Variants in ATP13A1 observed in about 807,000 individuals in gnomAD.
ATP13A1 encodes the protein endoplasmic reticulum transmembrane helix translocase.
Under a neutral mutation model 134.8 loss-of-function variants are expected in ATP13A1, and 55 were observed. The ratio of observed to expected loss-of-function variants is 0.41; its 90% confidence interval spans 0.33 to 0.51. ATP13A1 has a LOEUF of 0.51. Ranked by LOEUF, ATP13A1 falls within the 20% of genes least tolerant of loss-of-function variation. The pLI is 0.29. For synonymous variants in ATP13A1, 775 were observed against 725.1 expected, an observed-to-expected ratio of 1.07 and a Z score of -1.10; for missense variants, 1,389 against 1,652.8, an observed-to-expected ratio of 0.84 and a Z score of 2.77.
At position 19,656,768 on chromosome 19, in the gene ATP13A1, T is replaced by G; in HGVS notation, c.977-2A>C. On this transcript the variant is annotated splice_acceptor_variant, in intron 6 of 25. Transcript: ENST00000357324. LOFTEE classifies it high-confidence loss of function. This position sits in a 1 kb window ranked among gnomAD's most constrained non-coding sequence, Gnocchi z 4.6. The stretch of plus-strand genomic sequence containing the variant: ...CCAGGTTCTCCTGTGGGGAGCGGCC[T>G]GCAGGGCAGAGGCAGGAGGGTTGGC... The G allele has an allele frequency of 6.2e-7, 1 of 1,613,532 alleles. No homozygotes were observed.
intron 1 of ATP13A1, chr19:19,661,932 G>C: frequency 9.2e-7 from 1 of 1,085,710 alleles, no homozygotes; most frequent in South Asian, 1.5e-5. Flanking sequence ...GCCCCAGGGC[G>C]GGCACTCTGC....
chr19:19,659,116 C>A (rs1197297190), intron 3 of ATP13A1, among the ~76,000 whole-genome samples: 1 of 152,116 alleles, frequency 6.6e-6, no homozygotes, highest in African/African-American at 2.4e-5. Flanking sequence ...GGACTTAGAG[C>A]ATGTTGCTCA....
At chr19:19,650,275 T>A (rs2062015790) in intron 17 of ATP13A1, 1 of 377,478 alleles carries the variant, frequency 2.6e-6, no homozygotes, top group Non-Finnish European at 4.8e-6. Context: ...GCTATTGCGC[T>A]CTCCTTGGGA....
intron 1 of ATP13A1, 60 bp downstream of exon 1, chr19:19,663,211 G>T (rs1422904649): frequency 1.3e-6 from 2 of 1,551,836 alleles, no homozygotes; most frequent in Non-Finnish European, 1.7e-6. Context: ...GAAGGCCGCA[G>T]CTGGGACCCA....
chr19:19,647,705 G>T lies in ATP13A1; in HGVS notation c.2687C>A (p.Pro896His), dbSNP rs1014207939. 6.2e-7 allele frequency: 1 copy of T among 1,610,236 alleles called. No homozygotes were observed. The highest frequency in any genetic ancestry group is 1.3e-5 in the African/African-American group (1 of 74,994). The change falls in exon 20 of 26, where the codon CCC becomes CAC. Residue 896 changes from proline to histidine, a missense_variant. By Grantham distance (77) the Pro-to-His change is moderately conservative. This residue lies in a region of ATP13A1 where 121 missense variants were observed against 104.9 expected (regional missense o/e 1.15). Coordinates refer to ENST00000357324, the MANE Select transcript of ATP13A1 (RefSeq NM_020410.3). The surrounding 1 kb of genome is among the most constrained non-coding windows in gnomAD (Gnocchi z 4.8). Reference protein sequence around the residue: ...PERVVERRRRPRDSPTLSNSG... With the variant: ...PERVVERRRRHRDSPTLSNSG... ...GTTGCTCAGGGTTGGGCTGTCCCGG[G>T]GCCGCCGTCGCCGCTCGACAACCCG...
At chr19:19,654,989 G>T in intron 12 of ATP13A1, 130 bp downstream of exon 12, 1 of 1,412,162 alleles carries the variant, frequency 7.1e-7, no homozygotes. Context: ...GGGAGCCCCT[G>T]GAAATGAACC....
At chr19:19,663,048 G>C (rs750934627) in intron 1 of ATP13A1, 63 of 738,518 alleles carry the variant, frequency 8.5e-5, no homozygotes, top group Non-Finnish European at 1.4e-4. Context: ...GACCATAACA[G>C]GGAGGACTTC....
chr19:19,658,476 G>A (rs565011680), intron 3 of ATP13A1, among the ~76,000 whole-genome samples: 1 of 152,200 alleles, frequency 6.6e-6, no homozygotes, highest in Non-Finnish European at 1.5e-5. Context: ...GGTAGGGGAA[G>A]TTGCTAAATG....
chr19:19,647,691 T>C lies in ATP13A1; in HGVS notation c.2701A>G (p.Thr901Ala), dbSNP rs780124801. The C allele has an allele frequency of 4.5e-5, 73 of 1,612,098 alleles. No homozygotes were observed. Among genetic ancestry groups the C allele is most frequent in the Non-Finnish European group, 5.8e-5 (68 of 1,179,784 alleles). ...GCTCTGATGCCACTGTTGCTCAGGG[T>C]TGGGCTGTCCCGGGGCCGCCGTCGC... is the stretch of plus-strand genomic sequence containing the variant. ...ERRRRPRDSPTLSNSGIRATS... is the reference protein window; with the variant it reads ...ERRRRPRDSPALSNSGIRATS... The change falls in exon 20 of 26, where the codon ACC (threonine) becomes GCC (alanine). Residue 901 changes from threonine to alanine, a missense_variant. By Grantham distance (58) the Thr-to-Ala change is moderately conservative (BLOSUM62 0). Transcript: ENST00000357324. The surrounding 1 kb of genome is among the most constrained non-coding windows in gnomAD (Gnocchi z 4.8).
chr19:19,655,882 G>C lies in ATP13A1; in HGVS notation c.1265C>G (p.Ser422Cys). The C allele has an allele frequency of 1.3e-6, 2 of 1,586,998 alleles. No individual in the cohort carries two copies. Among genetic ancestry groups the C allele is most frequent in the Non-Finnish European group, 1.7e-6 (2 of 1,171,892 alleles). ...AYVLRTGFNT[S>C]QGKLLRTILF... ...TCCCCAGACCTGGCCCCGCACCTGG[G>C]ATGTGTTGAATCCGGTCCGCAGGAC... is the stretch of plus-strand genomic sequence containing the variant. Residue 422 changes from serine to cysteine, a missense_variant, in exon 9 of 26, where the codon TCC (serine) becomes TGC (cysteine). Physicochemically the swap from Ser to Cys is moderately radical, Grantham distance 112. Transcript: ENST00000357324. This position sits in a 1 kb window ranked among gnomAD's most constrained non-coding sequence, Gnocchi z 5.7.
In ATP13A1 at chr19:19,645,470, G is replaced by A. The variant is rs374647506; in HGVS notation, c.3567C>T (p.Arg1189=). Reference sequence around the variant, plus strand: ...GGGTCCCCAGGAAGAACTGCAGGACGCGGTCGGCCAGGAGCGCCAGGCAGA... The same window carrying A: ...GGGTCCCCAGGAAGAACTGCAGGACACGGTCGGCCAGGAGCGCCAGGCAGA... ...LDFCLALLAD[R]VLQFFLGTPK... The change falls in exon 26 of 26, where the codon CGC becomes CGT. Residue 1189 remains arginine (R), a synonymous_variant. Coordinates refer to ENST00000357324, the MANE Select transcript of ATP13A1 (RefSeq NM_020410.3). The surrounding 1 kb of genome is among the most constrained non-coding windows in gnomAD (Gnocchi z 4.1). 5.2e-5 allele frequency: 83 copies of A among 1,608,572 alleles called. 2 individuals are homozygous for A. In the South Asian group the frequency reaches 6.1e-4, roughly 12 times the overall value.
chr19:19,646,898 C>A, intron 22 of ATP13A1: 1 of 564,764 alleles, frequency 1.8e-6, no homozygotes, highest in Non-Finnish European at 3.1e-6. Context: ...GGGGCCCACC[C>A]CTGGGACCCC....
Position 19,657,401 on chromosome 19 carries a change from T to A in ATP13A1, c.685A>T (p.Met229Leu). 6.4e-7 allele frequency: 1 copy of A among 1,566,884 alleles called. No homozygotes were observed. Among genetic ancestry groups the A allele is most frequent in the East Asian group, 2.4e-5 (1 of 42,094 alleles). The change falls in exon 4 of 26, where the codon ATG becomes TTG. Residue 229 changes from methionine to leucine, a missense_variant. Physicochemically the swap from Met to Leu is conservative, Grantham distance 15. This residue lies in a region of ATP13A1 where 747 missense variants were observed against 956.1 expected (regional missense o/e 0.78). Transcript: ENST00000357324. ...EKKFGSNKAE[M>L]VVPDFSELFK... ...AGCTCCGAGAAGTCAGGCACCACCA[T>A]CTCGGCCCTGCAAGAGACCAGGCCC...
chr19:19,657,123 C>T lies in ATP13A1; in HGVS notation c.777G>A (p.Leu259=). ...AGACGCTGTAGTACCAGTACTCATC[C>T]AGGCACCAGAGCCCCACACAGAACA... ...FQVFCVGLWC[L]DEYWYYSVFT... is the part of the protein sequence containing the mutation. The change falls in exon 5 of 26, where the codon CTG becomes CTA. Residue 259 remains leucine (L), a synonymous_variant. Transcript: ENST00000357324. 2.0e-6 allele frequency: 3 copies of T among 1,514,758 alleles called. No homozygotes were observed. Among genetic ancestry groups the T allele is most frequent in the Non-Finnish European group, 2.7e-6 (3 of 1,131,806 alleles). 93.8% of individuals were successfully genotyped at this position (1,514,758 alleles called of 1,614,324 possible). A position where few individuals can be genotyped will look rare whatever the true frequency, so the allele number is the denominator to read the frequency against.
intron 17 of ATP13A1, chr19:19,650,885 G>C (rs1349635002): frequency 6.6e-6 from 1 of 152,322 alleles, no homozygotes; most frequent in Non-Finnish European, 1.5e-5. Context: ...TTCACCTCTA[G>C]CTCTGGGGCA....
At chr19:19,654,722 G>A in intron 12 of ATP13A1, 22 bp from the exon 13 acceptor site, 1 of 1,601,968 alleles carries the variant, frequency 6.2e-7, no homozygotes, top group Non-Finnish European at 8.5e-7. Flanking sequence ...GGGAACAGCT[G>A]GTTACAGAGT....
At chr19:19,654,838 G>A (rs2062047129) in intron 12 of ATP13A1, 138 bp from the exon 13 acceptor site, 3 of 1,078,114 alleles carry the variant, frequency 2.8e-6, no homozygotes, top group African/African-American at 3.2e-5. Context: ...GGGTCTTTAT[G>A]AGACCTGCAC....
At position 19,647,538 on chromosome 19, in the gene ATP13A1, A is replaced by T. The variant is rs371025661; in HGVS notation, c.2794-10T>A. ...CCTGGCTCAGGCGGTCCTGCAGGGT[A>T]GACAGCAGGCTGTCAGCCCTGGCCA... is the stretch of plus-strand genomic sequence containing the variant. On this transcript the variant is annotated splice_polypyrimidine_tract_variant and intron_variant, in intron 20 of 25. Coordinates refer to ENST00000357324, the MANE Select transcript of ATP13A1 (RefSeq NM_020410.3). The surrounding 1 kb of genome is among the most constrained non-coding windows in gnomAD (Gnocchi z 4.8). 79 of 1,612,262 alleles carry T rather than the reference A, an allele frequency of 4.9e-5. No individual in the cohort carries two copies. Among genetic ancestry groups the T allele is most frequent in the Non-Finnish European group, 3.5e-5 (41 of 1,179,110 alleles).
chr19:19,662,321 G>T (rs1235923893), intron 1 of ATP13A1: 1 of 985,308 alleles, frequency 1.0e-6, no homozygotes, highest in Admixed American at 6.1e-5. Context: ...TGTCTCTCAG[G>T]AGAGGAGAAT....
Sources: gnomAD v4.1 joint callset for allele counts (sites outside exome capture counted in the v4.1 genomes callset) on GRCh38, gnomAD v4.1.1 for gene constraint, gnomAD v4.1.1 regional missense constraint, Gnocchi (gnomAD v3.1) non-coding constraint, MANE v1.5 for transcripts, NCBI Gene and HGNC (gene_info 2026-07-23, HGNC 2026-07-21) for gene names.